Variants in SPMIP2 observed in about 807,000 individuals in gnomAD.
The protein encoded by SPMIP2 is protein SPMIP2.
the SPMIP2 span, among the ~76,000 whole-genome samples, chr4:159,020,918 C>T: frequency 8.0e-4 from 122 of 152,238 alleles, no homozygotes; most frequent in African/African-American, 2.6e-3. Flanking sequence ...CCCACCACCA[C>T]GCCCGGCTAA....
the SPMIP2 span, among the ~76,000 whole-genome samples, chr4:159,036,953 G>A: frequency 3.9e-5 from 6 of 152,106 alleles, no homozygotes; most frequent in Non-Finnish European, 5.9e-5. Flanking sequence ...TTTCCAAGGC[G>A]CCCAACTTTG....
the SPMIP2 span, among the ~76,000 whole-genome samples, chr4:159,061,305 C>T: frequency 6.6e-6 from 1 of 151,844 alleles, no homozygotes; most frequent in Admixed American, 6.6e-5. Flanking sequence ...TGTTCCCTGT[C>T]CCCTCATCAC....
chr4:158,911,580 C>CT, the SPMIP2 span, among the ~76,000 whole-genome samples: 6 of 151,806 alleles, frequency 4.0e-5, no homozygotes, highest in South Asian at 8.3e-4. Flanking sequence ...TCAAGTCCCC[C>CT]GTTCCTAGCA....
the SPMIP2 span, among the ~76,000 whole-genome samples, chr4:159,048,497 T>G: frequency 3.3e-5 from 5 of 152,148 alleles, no homozygotes. Flanking sequence ...GAGAACAGCC[T>G]TTCCATAGGC....
At chr4:159,053,886 A>C in the SPMIP2 span, among the ~76,000 whole-genome samples, 1,391 of 151,894 alleles carry the variant, frequency 9.2e-3, 25 homozygotes, top group African/African-American at 0.032. Context: ...CCCAAGAATA[A>C]ACCAGGCTGG....
the SPMIP2 span, among the ~76,000 whole-genome samples, chr4:158,936,000 GAA>G: frequency 6.6e-6 from 1 of 152,102 alleles, no homozygotes; most frequent in Non-Finnish European, 1.5e-5. Context: ...ACAATTCAAT[GAA>G]CTCTCAGTAT....
At chr4:158,910,021 AAC>A in the SPMIP2 span, among the ~76,000 whole-genome samples, 2 of 151,938 alleles carry the variant, frequency 1.3e-5, no homozygotes, top group African/African-American at 4.8e-5. Context: ...CAGCCTGAGC[AAC>A]AGTGAGACTC....
At chr4:159,064,638 T>C in the SPMIP2 span, among the ~76,000 whole-genome samples, 2 of 152,320 alleles carry the variant, frequency 1.3e-5, no homozygotes, top group South Asian at 4.1e-4. Flanking sequence ...GTCTATGGTT[T>C]CCTCTCCCAA....
the SPMIP2 span, among the ~76,000 whole-genome samples, chr4:159,016,466 G>A: frequency 9.9e-5 from 15 of 151,976 alleles, 1 homozygote; most frequent in Admixed American, 4.6e-4. Flanking sequence ...ATTATTACTG[G>A]GGAAAATCCA....
chr4:159,073,314 C>T, the SPMIP2 span, among the ~76,000 whole-genome samples: 13 of 152,126 alleles, frequency 8.5e-5, no homozygotes, highest in African/African-American at 3.1e-4. Flanking sequence ...CCACCATGCC[C>T]GGCTAAAACT....
chr4:159,036,512 T>G, the SPMIP2 span, among the ~76,000 whole-genome samples: 163 of 152,348 alleles, frequency 1.1e-3, no homozygotes, highest in African/African-American at 3.6e-3. Flanking sequence ...GTTCTTCTTC[T>G]TCCTCTGATC....
the SPMIP2 span, among the ~76,000 whole-genome samples, chr4:158,926,926 A>G: frequency 6.6e-6 from 1 of 152,250 alleles, no homozygotes; most frequent in Admixed American, 6.5e-5. Context: ...TAATGAGTAC[A>G]CTAGAAGCCC....
At chr4:158,945,455 C>A in the SPMIP2 span, among the ~76,000 whole-genome samples, 3 of 152,152 alleles carry the variant, frequency 2.0e-5, no homozygotes, top group African/African-American at 7.2e-5. Context: ...AAAACTTTAA[C>A]CCAAAGTAGT....
chr4:158,999,410 G>C, the SPMIP2 span, among the ~76,000 whole-genome samples: 1 of 152,208 alleles, frequency 6.6e-6, no homozygotes, highest in Non-Finnish European at 1.5e-5. Context: ...ATGGCAGTAA[G>C]TGACTTCAAT....
At chr4:158,980,199 C>A in the SPMIP2 span, among the ~76,000 whole-genome samples, 95,746 of 151,570 alleles carry the variant, frequency 0.63, 30,543 homozygotes, top group Middle Eastern at 0.71. Flanking sequence ...AAGGCAGCAG[C>A]CCCAGTCAGG....
chr4:159,007,055 G>T, the SPMIP2 span: 1 of 475,526 alleles, frequency 2.1e-6, no homozygotes. Flanking sequence ...CTTCTAAAAT[G>T]TATTTAAAAT....
the SPMIP2 span, among the ~76,000 whole-genome samples, chr4:158,971,457 T>C: frequency 4.1e-4 from 63 of 152,336 alleles, no homozygotes; most frequent in Middle Eastern, 0.014. Context: ...GTAAGAGACG[T>C]TGCTTATCAT....
the SPMIP2 span, among the ~76,000 whole-genome samples, chr4:158,958,605 A>G: frequency 6.6e-6 from 1 of 152,176 alleles, no homozygotes; most frequent in African/African-American, 2.4e-5. Flanking sequence ...AATGCTATTG[A>G]CTGAAAAGAA....
the SPMIP2 span, among the ~76,000 whole-genome samples, chr4:159,031,854 A>G: frequency 2.0e-5 from 3 of 152,220 alleles, no homozygotes; most frequent in Non-Finnish European, 4.4e-5. Context: ...AATAGTCACA[A>G]TAAAATTTGT....
Sources: gnomAD v4.1 joint callset for allele counts (sites outside exome capture counted in the v4.1 genomes callset) on GRCh38, gnomAD v4.1.1 for gene constraint, MANE v1.5 for transcripts, NCBI Gene and HGNC (gene_info 2026-07-23, HGNC 2026-07-21) for gene names.